ABLIM1: variants seen among roughly 807,000 people sequenced by gnomAD.
ABLIM1 encodes the protein actin-binding LIM protein 1.
Under a neutral mutation model 107.0 loss-of-function variants are expected in ABLIM1, and 40 were observed. The ratio of observed to expected loss-of-function variants is 0.37; its 90% confidence interval spans 0.29 to 0.49. The LOEUF (loss-of-function observed/expected upper bound fraction) is 0.49. ABLIM1 is among the 20% of genes least tolerant of loss of function. ABLIM1 has a pLI of 0.97. For missense variants in ABLIM1, 857 were observed against 1,008.5 expected (o/e 0.85, Z 2.04); for synonymous variants, 357 against 357.3 (o/e 1.00, Z 0.01).
intron 1 of ABLIM1, chr10:114,690,054 C>G (rs2081040540): frequency 2.5e-6 from 2 of 787,844 alleles, no homozygotes; most frequent in South Asian, 3.3e-5. Flanking sequence ...CACAAAGATT[C>G]TAGGATACTG....
chr10:114,554,277 G>A (rs527962437), intron 4 of ABLIM1, among the ~76,000 whole-genome samples: 4 of 152,274 alleles, frequency 2.6e-5, no homozygotes, highest in South Asian at 2.1e-4. Context: ...CCTCATTGCC[G>A]GTCTCCAATT....
chr10:114,445,928 C>A (rs556361154), intron 15 of ABLIM1, among the ~76,000 whole-genome samples: 5 of 152,238 alleles, frequency 3.3e-5, no homozygotes, highest in African/African-American at 9.6e-5. Flanking sequence ...TGCCACCATA[C>A]CCTACTGATT....
chr10:114,580,835 T>G (rs906178542), intron 2 of ABLIM1, among the ~76,000 whole-genome samples: 5 of 152,198 alleles, frequency 3.3e-5, no homozygotes, highest in Admixed American at 1.3e-4. Flanking sequence ...TAGGGTATAT[T>G]TAGATTTTTA....
chr10:114,705,907 A>C (rs1480307962), intron 1 of ABLIM1, among the ~76,000 whole-genome samples: 1 of 152,192 alleles, frequency 6.6e-6, no homozygotes, highest in Non-Finnish European at 1.5e-5. Flanking sequence ...ATTACTTGTT[A>C]ATACATTTCA....
chr10:114,529,297 G>A (rs920174926), intron 6 of ABLIM1, among the ~76,000 whole-genome samples: 2 of 151,918 alleles, frequency 1.3e-5, no homozygotes, highest in Non-Finnish European at 2.9e-5. Context: ...GCTAATTTCT[G>A]TATTTTTAGT....
intron 12 of ABLIM1, among the ~76,000 whole-genome samples, chr10:114,459,082 G>A (rs1331129715): frequency 3.3e-5 from 5 of 152,362 alleles, no homozygotes; most frequent in Non-Finnish European, 7.3e-5. Flanking sequence ...TCAGCTCAGT[G>A]AGGCCCCAGG....
intron 6 of ABLIM1, among the ~76,000 whole-genome samples, chr10:114,512,642 T>C (rs772391321): frequency 2.6e-5 from 4 of 152,002 alleles, no homozygotes; most frequent in Non-Finnish European, 4.4e-5. Context: ...CTGGGCAACA[T>C]GATGAAACCC....
intron 3 of ABLIM1, among the ~76,000 whole-genome samples, chr10:114,571,921 G>A (rs1022537372): frequency 1.4e-4 from 22 of 152,294 alleles, no homozygotes; most frequent in African/African-American, 4.8e-4. Flanking sequence ...TGAACGGAAC[G>A]TTTCATGGTG....
chr10:114,734,671 C>T (rs149614913), intron 1 of ABLIM1, among the ~76,000 whole-genome samples: 4,626 of 152,246 alleles, frequency 0.03, 82 homozygotes, highest in Non-Finnish European at 0.044. Flanking sequence ...TGCTTTCCTG[C>T]CCGTGACATG....
intron 1 of ABLIM1, among the ~76,000 whole-genome samples, chr10:114,762,735 T>C (rs1373438192): frequency 6.6e-6 from 1 of 152,208 alleles, no homozygotes; most frequent in African/African-American, 2.4e-5. Flanking sequence ...TAGGGATTTT[T>C]CTCAATTTAC....
intron 6 of ABLIM1, among the ~76,000 whole-genome samples, chr10:114,519,843 C>A (rs1325486987): frequency 6.6e-6 from 1 of 152,194 alleles, no homozygotes; most frequent in East Asian, 1.9e-4. Flanking sequence ...GTGGGTACTA[C>A]CTCCCTGCTT....
At chr10:114,628,584 T>C (rs4752047) in intron 1 of ABLIM1, among the ~76,000 whole-genome samples, 13,247 of 152,198 alleles carry the variant, frequency 0.087, 732 homozygotes, top group South Asian at 0.13. Flanking sequence ...CAAAAGCAAG[T>C]TGGGCCATCC....
intron 1 of ABLIM1, among the ~76,000 whole-genome samples, chr10:114,728,516 T>TAAAA (rs10628347): frequency 1.1e-5 from 1 of 90,640 alleles, no homozygotes; most frequent in Non-Finnish European, 2.0e-5. Context: ...GATAAGGCAG[T>TAAAA]AAAAAAAAAA....
chr10:114,771,437 T>A (rs1223582383), upstream of ABLIM1, among the ~76,000 whole-genome samples: 3 of 152,250 alleles, frequency 2.0e-5, no homozygotes, highest in Non-Finnish European at 4.4e-5. Context: ...AAAAGAGGTT[T>A]CCCTATGTAT....
At chr10:114,747,816 G>T (rs2082416388) in intron 1 of ABLIM1, among the ~76,000 whole-genome samples, 1 of 152,212 alleles carries the variant, frequency 6.6e-6, no homozygotes. Context: ...AAGGTGGGTG[G>T]ATCACTTGAG....
In ABLIM1 at chr10:114,528,083, G is replaced by A. The variant is rs185577492; in HGVS notation, c.894+16922C>T. 4.6e-3 allele frequency among the ~76,000 whole-genome samples: 700 copies of A among 151,996 alleles called. 9 individuals carry two copies. The highest frequency in any genetic ancestry group is 0.016 in the African/African-American group (668 of 41,416). ...GATCTCTTGACCTTGTGATCCGCCC[G>A]CCTCAGCCTCCCAAAGTGCTGGGAT... is the stretch of plus-strand genomic sequence containing the variant. On this transcript the variant is annotated intron_variant, in intron 6 of 22. Transcript: ENST00000533213.
intron 1 of ABLIM1, among the ~76,000 whole-genome samples, chr10:114,605,814 T>C (rs1035328837): frequency 6.6e-6 from 1 of 152,182 alleles, no homozygotes; most frequent in Non-Finnish European, 1.5e-5. Context: ...CCAATTGCAT[T>C]GCTTACTGAG....
chr10:114,469,793 T>A (rs2066093431), intron 10 of ABLIM1, among the ~76,000 whole-genome samples: 1 of 152,204 alleles, frequency 6.6e-6, no homozygotes, highest in African/African-American at 2.4e-5. Context: ...ATTTTCCAGA[T>A]GAATAAAATG....
intron 1 of ABLIM1, among the ~76,000 whole-genome samples, chr10:114,649,780 G>A (rs1029101491): frequency 3.9e-5 from 6 of 151,948 alleles, no homozygotes; most frequent in African/African-American, 1.5e-4. Context: ...TCGTCTTGTA[G>A]TCCATAGACA....
Sources: gnomAD v4.1 joint callset for allele counts (sites outside exome capture counted in the v4.1 genomes callset) on GRCh38, gnomAD v4.1.1 for gene constraint, MANE v1.5 for transcripts, NCBI Gene and HGNC (gene_info 2026-07-23, HGNC 2026-07-21) for gene names.